The following ZNF701 variants were observed in gnomAD, a reference collection of about 807,000 sequenced individuals.
ZNF701 encodes zinc finger protein 701.
ZNF701 carries 6 observed loss-of-function variants against 7.1 expected under a neutral mutation model. That is an observed-to-expected ratio of 0.84 (90% CI 0.46 to 1.66). ZNF701 has a LOEUF of 1.66. Ranked by LOEUF, ZNF701 falls within the 40% of genes most tolerant of loss-of-function variation. ZNF701 has a pLI of 0.01. For synonymous variants in ZNF701, 166 were observed against 188.2 expected (o/e 0.88, Z 0.97); for missense variants, 541 against 559.2 (o/e 0.97, Z 0.33).
the ZNF701 span, among the ~76,000 whole-genome samples, chr19:52,599,096 C>T: frequency 5.3e-5 from 8 of 151,778 alleles, no homozygotes; most frequent in Admixed American, 5.3e-4. Context: ...GCCACGATCT[C>T]GCCTCACCAC....
In ZNF701 at chr19:52,580,290, A is replaced by G. The variant is rs575178595; in HGVS notation, c.143-1912A>G. The stretch of plus-strand genomic sequence containing the variant: ...TCAGAATTATTTCTGTGTATGTTGC[A>G]TTTCTGCTAACGTATATATACAGTG... On this transcript the variant is annotated intron_variant, in intron 3 of 3. Transcript: ENST00000391785. Among the ~76,000 whole-genome samples the G allele has an allele frequency of 8.4e-4, 128 of 152,042 alleles. 1 individual carries two copies. Among genetic ancestry groups the G allele is most frequent in the Non-Finnish European group, 3.4e-4 (23 of 67,998 alleles).
At chr19:52,582,091 C>A in intron 3 of ZNF701, 111 bp from the exon 4 acceptor site, 2 of 916,394 alleles carry the variant, frequency 2.2e-6, no homozygotes, top group Non-Finnish European at 3.1e-6. Flanking sequence ...CTTTGAAGAT[C>A]ATGTTTGGGA....
Position 52,577,620 on chromosome 19 carries a change from C to G in ZNF701, c.142+1599C>G, listed in dbSNP as rs6509652. On this transcript the variant is annotated intron_variant, in intron 3 of 3. Transcript: ENST00000391785. ...AGTGACCTAGAAGGCAAGAGGTGAG[C>G]CCTCTGTCACACCCGCATAAGGGCC... Among the ~76,000 whole-genome samples, 229 of 151,620 alleles carry G rather than the reference C, an allele frequency of 1.5e-3. 1 individual carries two copies. Among genetic ancestry groups the G allele is most frequent in the African/African-American group, 4.7e-3 (195 of 41,264 alleles).
At chr19:52,572,613 C>T (rs1311881955) in intron 1 of ZNF701, 2 of 348,874 alleles carry the variant, frequency 5.7e-6, no homozygotes, top group Admixed American at 4.1e-5. Flanking sequence ...CTCAGACCTT[C>T]TCAGCGTGAC....
the ZNF701 span, chr19:52,596,222 GTCTT>G: frequency 1.8e-6 from 1 of 546,046 alleles, no homozygotes; most frequent in African/African-American, 1.9e-5. Context: ...ATGTGGCAAA[GTCTT>G]TCATCAGAAG....
chr19:52,587,795 C>T (rs1038989434), downstream of ZNF701, among the ~76,000 whole-genome samples: 1 of 152,192 alleles, frequency 6.6e-6, no homozygotes, highest in African/African-American at 2.4e-5. Context: ...TCAAAGATTG[C>T]TATTATCATA....
downstream of ZNF701, among the ~76,000 whole-genome samples, chr19:52,588,298 C>T (rs2060023201): frequency 6.6e-6 from 1 of 151,830 alleles, no homozygotes; most frequent in Non-Finnish European, 1.5e-5. Flanking sequence ...CCATCCTGGC[C>T]AACATGGTAA....
chr19:52,579,521 A>G (rs1328583319), intron 3 of ZNF701, among the ~76,000 whole-genome samples: 1 of 29,316 alleles, frequency 3.4e-5, no homozygotes, highest in Non-Finnish European at 9.2e-5. Flanking sequence ...ACTCTGTCTC[A>G]AAAAAAAAAA....
chr19:52,596,893 A>G, the ZNF701 span: 2 of 556,702 alleles, frequency 3.6e-6, no homozygotes, highest in South Asian at 1.4e-5. Context: ...GCACAACATC[A>G]GAGAGTTTAT....
At chr19:52,580,860 A>G (rs2059970722) in intron 3 of ZNF701, among the ~76,000 whole-genome samples, 2 of 150,314 alleles carry the variant, frequency 1.3e-5, no homozygotes. Context: ...ACAGTGGCTC[A>G]TGCCTGTAAT....
intron 1 of ZNF701, chr19:52,572,477 G>GT (rs2059907592): frequency 4.4e-6 from 5 of 1,134,038 alleles, no homozygotes; most frequent in African/African-American, 1.6e-5. Flanking sequence ...TGCAAAGGAA[G>GT]TTTCTTTATC....
chr19:52,596,084 A>C, the ZNF701 span: 1 of 1,169,344 alleles, frequency 8.6e-7, no homozygotes, highest in Non-Finnish European at 1.3e-6. Context: ...ATTCACACAA[A>C]TACAAGAAGT....
At position 52,582,264 on chromosome 19, in the gene ZNF701, G is replaced by T. The variant is rs751075146; in HGVS notation, c.205G>T (p.Val69Phe). The change falls in exon 4 of 4, where the codon GTC (valine) becomes TTC (phenylalanine). Residue 69 changes from valine to phenylalanine, a missense_variant. Coordinates refer to ENST00000391785, the MANE Select transcript of ZNF701 (RefSeq NM_018260.3). ...AACAGGACAAGGCAATACAGAAGTG[G>T]TCCACACAGGGACATTGCAAATACA... ...SSTGQGNTEV[V>F]HTGTLQIHAS... 1.2e-6 allele frequency: 2 copies of T among 1,610,524 alleles called. No individual in the cohort carries two copies. The highest frequency in any genetic ancestry group is 2.2e-5 in the South Asian group (2 of 90,308).
chr19:52,581,984 G>A (rs551045090), intron 3 of ZNF701, among the ~76,000 whole-genome samples: 3 of 152,230 alleles, frequency 2.0e-5, no homozygotes, highest in South Asian at 2.1e-4. Flanking sequence ...TCAGTGTTTC[G>A]TCATGATATT....
rs528579623 is a variant in ZNF701, at chr19:52,577,630, C to T, written c.142+1609C>T. On this transcript the variant is annotated intron_variant, in intron 3 of 3. Transcript: ENST00000391785. ...AAGGCAAGAGGTGAGCCCTCTGTCACACCCGCATAAGGGCCGCTTGAGGGG... is the reference window on the plus strand; with the variant it reads ...AAGGCAAGAGGTGAGCCCTCTGTCATACCCGCATAAGGGCCGCTTGAGGGG... Among the ~76,000 whole-genome samples the T allele has an allele frequency of 4.6e-3, 706 of 152,160 alleles. 5 individuals are homozygous for T. Among genetic ancestry groups the T allele is most frequent in the Non-Finnish European group, 7.8e-3 (528 of 68,016 alleles).
chr19:52,590,701 T>C (rs1005363568), downstream of ZNF701, among the ~76,000 whole-genome samples: 4 of 152,108 alleles, frequency 2.6e-5, no homozygotes, highest in African/African-American at 9.7e-5. Context: ...CAAGCGATCC[T>C]CCCACCTCAG....
In ZNF701 at chr19:52,582,679, A is replaced by T; in HGVS notation, c.620A>T (p.Glu207Val). 1 of 1,614,160 alleles carries T rather than the reference A, an allele frequency of 6.2e-7. No homozygotes were observed. Among genetic ancestry groups the T allele is most frequent in the Non-Finnish European group, 8.5e-7 (1 of 1,180,022 alleles). ...TCTTCATTACTCACACAAAAACGGG[A>T]AGTACACACAAGAGAAAAATCTTTC... ...LQSSLLTQKR[E>V]VHTREKSFQR... The change falls in exon 4 of 4, where the codon GAA becomes GTA. Residue 207 changes from glutamate to valine, a missense_variant. Transcript: ENST00000391785.
chr19:52,571,473 G>A (rs757995808), intron 1 of ZNF701, among the ~76,000 whole-genome samples: 6 of 152,096 alleles, frequency 3.9e-5, no homozygotes, highest in Non-Finnish European at 5.9e-5. Flanking sequence ...TCGAAGAATT[G>A]GGGAGAAGGA....
chr19:52,587,884 C>T (rs2060021181), downstream of ZNF701, among the ~76,000 whole-genome samples: 1 of 152,198 alleles, frequency 6.6e-6, no homozygotes, highest in Non-Finnish European at 1.5e-5. Context: ...AGGCAGTTTC[C>T]TCCATATTGA....
Sources: gnomAD v4.1 joint callset for allele counts (sites outside exome capture counted in the v4.1 genomes callset) on GRCh38, gnomAD v4.1.1 for gene constraint, MANE v1.5 for transcripts, NCBI Gene and HGNC (gene_info 2026-07-23, HGNC 2026-07-21) for gene names.